The following ABTB2 variants were observed in gnomAD, a reference collection of about 807,000 sequenced individuals.
The protein encoded by ABTB2 is ankyrin repeat and BTB domain containing 2.
Under a neutral mutation model 104.1 loss-of-function variants are expected in ABTB2, and 56 were observed. The observed-to-expected ratio is 0.54, with a 90% CI of 0.43 to 0.67. ABTB2 has a LOEUF of 0.67. Ranked by LOEUF, ABTB2 falls within the 30% of genes least tolerant of loss-of-function variation. ABTB2 has a pLI of 0.00. For synonymous variants in ABTB2, 606 were observed against 608.2 expected (o/e 1.00, Z 0.05); for missense variants, 1,279 against 1,407.7 (o/e 0.91, Z 1.46).
chr11:34,251,512 T>G (rs535062283), intron 1 of ABTB2, among the ~76,000 whole-genome samples: 5 of 152,348 alleles, frequency 3.3e-5, no homozygotes, highest in African/African-American at 1.2e-4. Context: ...GGCCAACTGT[T>G]GACCGGTGTC....
At chr11:34,217,751 C>T (rs186573564) in intron 1 of ABTB2, among the ~76,000 whole-genome samples, 146 of 152,250 alleles carry the variant, frequency 9.6e-4, no homozygotes, top group African/African-American at 3.2e-3. Flanking sequence ...CATGAGCCAC[C>T]GTGCCCAGCA....
chr11:34,234,826 C>T (rs1277863393), intron 1 of ABTB2, among the ~76,000 whole-genome samples: 1 of 152,120 alleles, frequency 6.6e-6, no homozygotes, highest in Non-Finnish European at 1.5e-5. Flanking sequence ...CCCTGAAGCA[C>T]TTATACAGAG....
chr11:34,199,124 C>T (rs1853304257), intron 2 of ABTB2, among the ~76,000 whole-genome samples: 2 of 152,214 alleles, frequency 1.3e-5, no homozygotes, highest in Non-Finnish European at 2.9e-5. Context: ...GAAGAATTCA[C>T]CTTACACATT....
chr11:34,356,762 G>A lies in ABTB2; in HGVS notation c.822C>T (p.Asp274=), dbSNP rs575344475. 37 of 1,611,594 alleles carry A rather than the reference G, an allele frequency of 2.3e-5. No homozygotes were observed. In the East Asian group the frequency reaches 8.0e-4, roughly 35 times the overall value. The change falls in exon 1 of 17, where the codon GAC becomes GAT. Residue 274 remains aspartate (D), a synonymous_variant. Transcript: ENST00000435224. This position sits in a 1 kb window ranked among gnomAD's most constrained non-coding sequence, Gnocchi z 4.6. The part of the protein sequence containing the change: ...AEALEMVINN[D]AELWGVLQPY... ...GCTGCAAGACGCCCCAGAGCTCGGC[G>A]TCGTTGTTGATGACCATCTCCAGGG...
intron 1 of ABTB2, among the ~76,000 whole-genome samples, chr11:34,242,027 G>A (rs1191728876): frequency 6.6e-6 from 1 of 152,248 alleles, no homozygotes; most frequent in Non-Finnish European, 1.5e-5. Flanking sequence ...AAGCTGCGAG[G>A]AGATGGCTCG....
intron 1 of ABTB2, among the ~76,000 whole-genome samples, chr11:34,326,320 C>T (rs1409930828): frequency 1.3e-5 from 2 of 152,050 alleles, no homozygotes; most frequent in Admixed American, 6.6e-5. Context: ...TACATTAAAA[C>T]AGAATACTGA....
chr11:34,229,689 A>G (rs1853744442), intron 1 of ABTB2, among the ~76,000 whole-genome samples: 1 of 152,192 alleles, frequency 6.6e-6, no homozygotes, highest in South Asian at 2.1e-4. Context: ...CTTTAGCACT[A>G]TAAGAATAAT....
chr11:34,222,123 G>A (rs897251749), intron 1 of ABTB2, among the ~76,000 whole-genome samples: 10 of 152,158 alleles, frequency 6.6e-5, no homozygotes, highest in Non-Finnish European at 1.5e-4. Flanking sequence ...AGCAAGGGGT[G>A]GGGCTTCCAG....
intron 1 of ABTB2, among the ~76,000 whole-genome samples, chr11:34,242,889 T>G (rs2133064180): frequency 6.6e-6 from 1 of 152,194 alleles, no homozygotes; most frequent in Middle Eastern, 3.4e-3. Flanking sequence ...TCCAACAACT[T>G]AACCCAGTCA....
chr11:34,301,794 G>A (rs569748663), intron 1 of ABTB2, among the ~76,000 whole-genome samples: 1 of 152,138 alleles, frequency 6.6e-6, no homozygotes, highest in African/African-American at 2.4e-5. Flanking sequence ...GACCAGCCTG[G>A]GCAATTATTG....
At chr11:34,197,223 T>A in intron 3 of ABTB2, 102 bp downstream of exon 3, 1 of 1,305,446 alleles carries the variant, frequency 7.7e-7, no homozygotes, top group Non-Finnish European at 1.1e-6. Context: ...CCAGGGCCCC[T>A]TCCTCGCCCT....
chr11:34,344,398 C>T (rs1212865068), intron 1 of ABTB2, among the ~76,000 whole-genome samples: 2 of 152,196 alleles, frequency 1.3e-5, no homozygotes, highest in Non-Finnish European at 2.9e-5. Flanking sequence ...TGCAGCCCTG[C>T]TATACTGAGC....
At chr11:34,168,099 A>AGGAT in intron 5 of ABTB2, 107 bp from the exon 6 acceptor site, 1 of 1,130,184 alleles carries the variant, frequency 8.8e-7, no homozygotes, top group Non-Finnish European at 1.3e-6. Flanking sequence ...CCGCCACCCC[A>AGGAT]GCCGAGCATC....
chr11:34,341,845 G>C (rs577546986), intron 1 of ABTB2, among the ~76,000 whole-genome samples: 3 of 152,256 alleles, frequency 2.0e-5, no homozygotes, highest in Non-Finnish European at 1.5e-5. Flanking sequence ...ATCTTGGAAC[G>C]TTTTCAGCTG....
At chr11:34,168,405 A>G (rs2133012951) in intron 5 of ABTB2, among the ~76,000 whole-genome samples, 1 of 152,388 alleles carries the variant, frequency 6.6e-6, no homozygotes, top group Middle Eastern at 3.4e-3. Flanking sequence ...TGCTTAGTTC[A>G]GAATGAGCTT....
Position 34,215,102 on chromosome 11 carries a change from G to A in ABTB2, c.884-10412C>T, listed in dbSNP as rs984640957. 3.9e-5 allele frequency among the ~76,000 whole-genome samples: 6 copies of A among 152,206 alleles called. No individual in the cohort carries two copies. In the South Asian group the frequency reaches 1.0e-3, roughly 26 times the overall value. ...CATCTTGCTGATGCTCTGCCCTGCC[G>A]TGTACCTACTGCTCTGAGCCTGTGT... On this transcript the variant is annotated intron_variant, in intron 1 of 16. Transcript: ENST00000435224.
At chr11:34,341,624 A>G (rs1564936726) in intron 1 of ABTB2, among the ~76,000 whole-genome samples, 1 of 152,108 alleles carries the variant, frequency 6.6e-6, no homozygotes, top group Admixed American at 6.6e-5. Context: ...ACCTTATCGA[A>G]TTTGAATACA....
In ABTB2 at chr11:34,341,337, C is replaced by T. The variant is rs552917952; in HGVS notation, c.883+15364G>A. 4.6e-5 allele frequency among the ~76,000 whole-genome samples: 7 copies of T among 152,220 alleles called. No individual in the cohort carries two copies. The East Asian group carries it at 7.7e-4, about 17-fold the overall frequency. ...AGGTTAGAGCCACAAGAACCAATGG[C>T]CTTAATCTCCATTTCCATGAATCTT... On this transcript the variant is annotated intron_variant, in intron 1 of 16. Transcript: ENST00000435224.
chr11:34,259,414 AG>A (rs1422602557), intron 1 of ABTB2, among the ~76,000 whole-genome samples: 9 of 152,254 alleles, frequency 5.9e-5, no homozygotes, highest in African/African-American at 2.2e-4. Context: ...TTTGGGGAAT[AG>A]GTAAGAACCA....
Sources: gnomAD v4.1 joint callset for allele counts (sites outside exome capture counted in the v4.1 genomes callset) on GRCh38, gnomAD v4.1.1 for gene constraint, Gnocchi (gnomAD v3.1) non-coding constraint, MANE v1.5 for transcripts, NCBI Gene and HGNC (gene_info 2026-07-23, HGNC 2026-07-21) for gene names.